ANKFN1: variants seen among roughly 807,000 people sequenced by gnomAD.
ANKFN1 encodes ankyrin repeat and fibronectin type-III domain-containing protein 1.
In ANKFN1, 74 loss-of-function variants were observed where a neutral mutation model predicts 108.7. The observed-to-expected ratio is 0.68, with a 90% CI of 0.56 to 0.83. The LOEUF is 0.83. Among genes scored for constraint, ANKFN1 ranks in the 40% least tolerant of loss-of-function variants. ANKFN1 has a pLI of 0.00. For missense variants in ANKFN1, 1,505 were observed against 1,382.3 expected, an observed-to-expected ratio of 1.09 and a Z score of -1.41; for synonymous variants, 547 against 516.2, an observed-to-expected ratio of 1.06 and a Z score of -0.81.
chr17:56,265,495 G>A (rs62073037), intron 3 of ANKFN1, among the ~76,000 whole-genome samples: 13,260 of 152,114 alleles, frequency 0.087, 716 homozygotes, highest in East Asian at 0.19. Flanking sequence ...GATTTGAATG[G>A]GGACACAGAG....
intron 3 of ANKFN1, among the ~76,000 whole-genome samples, chr17:56,303,679 CT>C (rs1421636011): frequency 6.6e-6 from 1 of 151,846 alleles, no homozygotes; most frequent in African/African-American, 2.4e-5. Context: ...TCCATGTGCT[CT>C]TTTTTTAATT....
At chr17:56,445,316 C>A (rs1389565543) in intron 10 of ANKFN1, among the ~76,000 whole-genome samples, 2 of 152,176 alleles carry the variant, frequency 1.3e-5, no homozygotes, top group Non-Finnish European at 2.9e-5. Flanking sequence ...TGATAAAGAT[C>A]AGAGGTTCAG....
chr17:56,224,786 G>A (rs1426499577), intron 2 of ANKFN1: 1 of 152,224 alleles, frequency 6.6e-6, no homozygotes, highest in East Asian at 1.9e-4. Flanking sequence ...TGTATCCTCA[G>A]TGTTCAGCAC....
chr17:56,377,182 A>G lies in ANKFN1; in HGVS notation c.910+2468A>G, dbSNP rs572706070. Among the ~76,000 whole-genome samples, 4 of 152,278 alleles carry G rather than the reference A, an allele frequency of 2.6e-5. No homozygotes were observed. In the East Asian group the frequency reaches 7.7e-4, roughly 29 times the overall value. The stretch of plus-strand genomic sequence containing the variant: ...ACCTCAAGCCTATTTTGACAACTCA[A>G]TGTTTTCCTCCTTCATGCTTAAGCT... On this transcript the variant is annotated intron_variant, in intron 8 of 20. Coordinates refer to ENST00000682825, the MANE Select transcript of ANKFN1 (RefSeq NM_001370326.1).
chr17:56,499,084 G>A lies in ANKFN1; in HGVS notation c.2630G>A (p.Arg877Lys). 6.5e-7 allele frequency: 1 copy of A among 1,535,416 alleles called. No individual in the cohort carries two copies. Among genetic ancestry groups the A allele is most frequent in the Non-Finnish European group, 8.7e-7 (1 of 1,146,474 alleles). ...SPPPSPEMHR[R>K]KTVSDSQPCS... is the part of the protein sequence containing the mutation. ...CCCCCATCCCCAGAGATGCACAGAA[G>A]AAAGACAGTGAGTGGTAAGCAATGA... The change falls in exon 20 of 21, where the codon AGA becomes AAA. Residue 877 changes from arginine (R) to lysine (K), a missense_variant. Coordinates refer to ENST00000682825, the MANE Select transcript of ANKFN1 (RefSeq NM_001370326.1).
intron 1 of ANKFN1, among the ~76,000 whole-genome samples, chr17:56,164,048 A>G (rs1909926976): frequency 6.6e-6 from 1 of 152,180 alleles, no homozygotes; most frequent in African/African-American, 2.4e-5. Context: ...CCCCCATGTG[A>G]GTCAAACAGT....
At chr17:56,130,242 T>A (rs60969436) in intron 4 of ANKFN1, among the ~76,000 whole-genome samples, 1 of 152,218 alleles carries the variant, frequency 6.6e-6, no homozygotes, top group Non-Finnish European at 1.5e-5. Flanking sequence ...TCTGGGCTGT[T>A]ACAGTAGCTT....
intron 6 of ANKFN1, among the ~76,000 whole-genome samples, chr17:56,355,685 CA>C (rs1223158728): frequency 6.6e-6 from 1 of 152,128 alleles, no homozygotes; most frequent in Non-Finnish European, 1.5e-5. Flanking sequence ...AGACCAGTTA[CA>C]AGGTCATTTT....
intron 4 of ANKFN1, among the ~76,000 whole-genome samples, chr17:56,091,278 CAATG>C (rs1225032799): frequency 2.6e-5 from 4 of 151,106 alleles, no homozygotes; most frequent in African/African-American, 9.7e-5. Flanking sequence ...CTGTAAAACA[CAATG>C]AAACTGTAGG....
Position 56,442,953 on chromosome 17 carries a change from T to C in ANKFN1, c.1099+20T>C, listed in dbSNP as rs778109370. 1.4e-5 allele frequency: 23 copies of C among 1,611,230 alleles called. No homozygotes were observed. The South Asian group carries it at 2.3e-4, about 16-fold the overall frequency. On this transcript the variant is annotated intron_variant, in intron 10 of 20. Transcript: ENST00000682825. ...CTTCTAGTAGGTGGTGGCTGTGAAC[T>C]CTCTCCAGCATGGTAACAGACTCCA... is the stretch of plus-strand genomic sequence containing the variant.
At position 56,337,031 on chromosome 17, in the gene ANKFN1, G is replaced by A. The variant is rs531176522; in HGVS notation, c.188+10676G>A. Among the ~76,000 whole-genome samples the A allele has an allele frequency of 5.3e-5, 8 of 152,232 alleles. No individual in the cohort carries two copies. In the South Asian group the frequency reaches 1.7e-3, roughly 32 times the overall value. ...TGTTCCCATGTAGTTGTGCAGTTTT[G>A]GGAAAGTTTCTTAATCCTGAGTTCT... On this transcript the variant is annotated intron_variant, in intron 4 of 20. Transcript: ENST00000682825.
intron 4 of ANKFN1, among the ~76,000 whole-genome samples, chr17:56,343,542 C>G (rs1329255081): frequency 6.6e-6 from 1 of 151,756 alleles, no homozygotes; most frequent in East Asian, 1.9e-4. Context: ...TCTTTGGCTT[C>G]TAATGGTTTG....
At position 56,063,929 on chromosome 17, in the gene ANKFN1, A is replaced by T. The variant is rs534067882; in HGVS notation, c.288+17604A>T. 2.6e-5 allele frequency among the ~76,000 whole-genome samples: 4 copies of T among 151,892 alleles called. No individual in the cohort carries two copies. In the South Asian group the frequency reaches 8.3e-4, roughly 32 times the overall value. On this transcript the variant is annotated intron_variant, in intron 4 of 12. Coordinates refer to the ANKFN1 transcript ENST00000635860. ...ACCCTTGGATAGAGATTTGTGGGTG[A>T]TTTTGTTGTTGTTGATGATGCTGTT...
At chr17:56,047,606 G>GAAAGAGCCA (rs1342858349) in intron 4 of ANKFN1, among the ~76,000 whole-genome samples, 1 of 152,072 alleles carries the variant, frequency 6.6e-6, no homozygotes, top group Non-Finnish European at 1.5e-5. Context: ...CTGGGGAGAG[G>GAAAGAGCCA]AAAGAGCCAT....
intron 3 of ANKFN1, chr17:56,254,324 A>C (rs1210630221): frequency 6.6e-6 from 1 of 152,246 alleles, no homozygotes; most frequent in African/African-American, 2.4e-5. Context: ...ATAGTGCTAC[A>C]TGGCCAACGG....
At chr17:56,467,814 G>GA (rs879924962) in intron 15 of ANKFN1, among the ~76,000 whole-genome samples, 2 of 40,838 alleles carry the variant, frequency 4.9e-5, no homozygotes, top group African/African-American at 2.7e-4. Flanking sequence ...AAGAAAGAAA[G>GA]AAAGAAAGAA....
chr17:56,250,218 T>C (rs1011141123), intron 3 of ANKFN1, among the ~76,000 whole-genome samples: 1 of 152,200 alleles, frequency 6.6e-6, no homozygotes, highest in East Asian at 1.9e-4. Flanking sequence ...AGTGTTGAGA[T>C]ACACCTATTT....
intron 4 of ANKFN1, among the ~76,000 whole-genome samples, chr17:56,338,338 A>T (rs574733255): frequency 1.3e-5 from 2 of 152,104 alleles, no homozygotes; most frequent in Non-Finnish European, 2.9e-5. Flanking sequence ...GCACTAGGAG[A>T]AGTACCTAAT....
chr17:56,303,009 G>A (rs767924445), intron 3 of ANKFN1, among the ~76,000 whole-genome samples: 8 of 152,214 alleles, frequency 5.3e-5, no homozygotes, highest in Non-Finnish European at 1.0e-4. Context: ...TGCACATTTA[G>A]TGATGGATAA....
Sources: allele counts gnomAD v4.1 joint callset (sites outside exome capture counted in the v4.1 genomes callset), GRCh38; gene constraint gnomAD v4.1.1; transcripts MANE v1.5; gene names NCBI Gene and HGNC (gene_info 2026-07-23, HGNC 2026-07-21).